The following AK5 variants were observed in gnomAD, a reference collection of about 807,000 sequenced individuals.
The protein encoded by AK5 is adenylate kinase isoenzyme 5.
Under a neutral mutation model 69.5 loss-of-function variants are expected in AK5, and 27 were observed. That is an observed-to-expected ratio of 0.39 (90% CI 0.29 to 0.54). The LOEUF is 0.54. AK5 is among the 20% of genes least tolerant of loss of function. The pLI, the probability that AK5 is intolerant of heterozygous loss-of-function variation, is 0.71. For missense variants in AK5, 531 were observed against 700.4 expected (o/e 0.76, Z 2.73); for synonymous variants, 260 against 244.4 (o/e 1.06, Z -0.60).
chr1:77,345,193 A>C (rs562669503), intron 6 of AK5, among the ~76,000 whole-genome samples: 1 of 152,304 alleles, frequency 6.6e-6, no homozygotes, highest in South Asian at 2.1e-4. Flanking sequence ...TTAGACTGTG[A>C]AGTAAACAAA....
At chr1:77,376,539 T>A (rs112337130) in intron 6 of AK5, among the ~76,000 whole-genome samples, 5 of 152,194 alleles carry the variant, frequency 3.3e-5, no homozygotes, top group African/African-American at 1.2e-4. Flanking sequence ...TCTCTTTGAT[T>A]TTTTTTCTCT....
chr1:77,499,645 G>A (rs532583377), intron 10 of AK5, among the ~76,000 whole-genome samples: 5 of 152,210 alleles, frequency 3.3e-5, no homozygotes, highest in East Asian at 1.9e-4. Flanking sequence ...GGGTGGAGCT[G>A]TTGAGGCAAG....
intron 6 of AK5, among the ~76,000 whole-genome samples, chr1:77,344,939 A>T (rs1050550664): frequency 1.3e-5 from 2 of 151,898 alleles, no homozygotes; most frequent in Admixed American, 6.6e-5. Flanking sequence ...TGAACTTTTT[A>T]AAAAATATAT....
intron 8 of AK5, among the ~76,000 whole-genome samples, chr1:77,443,853 T>G (rs1652494064): frequency 6.6e-6 from 1 of 151,932 alleles, no homozygotes; most frequent in Non-Finnish European, 1.5e-5. Flanking sequence ...TGTTAAGAGA[T>G]ACATCTATAT....
intron 8 of AK5, among the ~76,000 whole-genome samples, chr1:77,478,998 A>C (rs1266571651): frequency 6.6e-6 from 1 of 151,790 alleles, no homozygotes; most frequent in Non-Finnish European, 1.5e-5. Context: ...TGCCCTCCTA[A>C]TGGGTCTTGA....
At chr1:77,493,919 A>G (rs1447689749) in intron 10 of AK5, among the ~76,000 whole-genome samples, 2 of 152,242 alleles carry the variant, frequency 1.3e-5, no homozygotes, top group Non-Finnish European at 2.9e-5. Flanking sequence ...AAGGGTTCCA[A>G]GTAATGTTGA....
chr1:77,535,931 C>T lies in AK5; in HGVS notation c.1513C>T (p.Leu505=). Reference sequence around the variant, plus strand: ...CCTTCTCCAAAGGAGCCGGAGCAGCCTGCCTGTGGACGACACCACCAAGAC... The same window carrying T: ...CCTTCTCCAAAGGAGCCGGAGCAGCTTGCCTGTGGACGACACCACCAAGAC... ...NRLLQRSRSS[L]PVDDTTKTIA... Residue 505 remains leucine, a synonymous_variant, in exon 13 of 14, where the codon CTG becomes TTG. Coordinates refer to ENST00000354567, the MANE Select transcript of AK5 (RefSeq NM_174858.3). 1 of 1,614,050 alleles carries T rather than the reference C, an allele frequency of 6.2e-7. No individual in the cohort carries two copies. Among genetic ancestry groups the T allele is most frequent in the Non-Finnish European group, 8.5e-7 (1 of 1,180,000 alleles).
chr1:77,391,495 GTATATATATATATATATA>G (rs753916010), intron 6 of AK5, among the ~76,000 whole-genome samples: 5 of 63,452 alleles, frequency 7.9e-5, no homozygotes, highest in East Asian at 6.5e-4. Context: ...GTGTGTGTGT[GTATATATATATATATATA>G]TATATATATA....
At chr1:77,364,335 GTTTTCTGTCA>G (rs1236406723) in intron 6 of AK5, among the ~76,000 whole-genome samples, 2 of 152,118 alleles carry the variant, frequency 1.3e-5, no homozygotes, top group Non-Finnish European at 2.9e-5. Context: ...GGGTAATTGG[GTTTTCTGTCA>G]TTTCAAACAT....
In AK5 at chr1:77,391,495, G is replaced by GTGTATATATA. The variant is rs1425180466; in HGVS notation, c.892-19485_892-19484insGTATATATAT. Among the ~76,000 whole-genome samples, 302 of 63,260 alleles carry GTGTATATATA rather than the reference G, an allele frequency of 4.8e-3. 3 individuals carry two copies. Among genetic ancestry groups the GTGTATATATA allele is most frequent in the African/African-American group, 0.01 (195 of 18,912 alleles). 41.5% of individuals were successfully genotyped at this position (63,260 alleles called of 152,430 possible). On this transcript the variant is annotated intron_variant, in intron 6 of 13. Coordinates refer to ENST00000354567, the MANE Select transcript of AK5 (RefSeq NM_174858.3). The stretch of plus-strand genomic sequence containing the variant: ...TATGTGTGTGTGTATGTGTGTGTGT[G>GTGTATATATA]TATATATATATATATATATATATAT...
intron 6 of AK5, among the ~76,000 whole-genome samples, chr1:77,352,077 C>T (rs1320814858): frequency 6.6e-6 from 1 of 151,936 alleles, no homozygotes; most frequent in African/African-American, 2.4e-5. Context: ...TTACAGGTGC[C>T]TGCCACCATG....
At chr1:77,497,271 G>A (rs890700947) in intron 10 of AK5, among the ~76,000 whole-genome samples, 5 of 152,110 alleles carry the variant, frequency 3.3e-5, no homozygotes, top group Non-Finnish European at 5.9e-5. Flanking sequence ...CCACCGGGAG[G>A]AACAAACAAC....
intron 13 of AK5, among the ~76,000 whole-genome samples, chr1:77,544,886 CT>C (rs1051008789): frequency 8.3e-4 from 126 of 152,322 alleles, no homozygotes; most frequent in African/African-American, 3.0e-3. Flanking sequence ...GCATTGCGTA[CT>C]TTACGTGATT....
rs573542579 is a variant in AK5 at position 77,334,006 on chromosome 1, T to C, written c.700-6371T>C. On this transcript the variant is annotated intron_variant, in intron 5 of 13. Transcript: ENST00000354567. ...TTACTATTCTTTTATATGGTTAATA[T>C]TTATTTAGGTTTACCTACATATTTA... Among the ~76,000 whole-genome samples the C allele has an allele frequency of 2.2e-4, 34 of 152,344 alleles. 2 individuals are homozygous for C. The highest frequency in any genetic ancestry group is 8.2e-4 in the African/African-American group (34 of 41,588).
intron 11 of AK5, among the ~76,000 whole-genome samples, chr1:77,521,146 T>C (rs1256946485): frequency 6.6e-6 from 1 of 152,172 alleles, no homozygotes; most frequent in East Asian, 1.9e-4. Context: ...TACCTTTTTT[T>C]TTTTTTGAGA....
chr1:77,417,259 C>T (rs1650492791), intron 7 of AK5, among the ~76,000 whole-genome samples: 1 of 152,044 alleles, frequency 6.6e-6, no homozygotes, highest in African/African-American at 2.4e-5. Flanking sequence ...TGCTCCCCCT[C>T]CTGGACAACC....
intron 8 of AK5, among the ~76,000 whole-genome samples, chr1:77,455,341 A>G (rs1461071423): frequency 1.3e-5 from 2 of 152,176 alleles, no homozygotes; most frequent in African/African-American, 4.8e-5. Context: ...TCATGAAGAC[A>G]TGAGTGCCTT....
intron 6 of AK5, among the ~76,000 whole-genome samples, chr1:77,383,051 T>C (rs1346999746): frequency 2.0e-5 from 3 of 152,208 alleles, no homozygotes. Context: ...TTTAGTACCA[T>C]ATTAGAAAAA....
chr1:77,512,029 A>G (rs1208184045), intron 10 of AK5, among the ~76,000 whole-genome samples: 1 of 152,196 alleles, frequency 6.6e-6, no homozygotes, highest in Non-Finnish European at 1.5e-5. Context: ...AAATTGGGTT[A>G]GTGATGAAGG....
Sources: allele counts gnomAD v4.1 joint callset (sites outside exome capture counted in the v4.1 genomes callset), GRCh38; gene constraint gnomAD v4.1.1; transcripts MANE v1.5; gene names NCBI Gene and HGNC (gene_info 2026-07-23, HGNC 2026-07-21).